EMD: variants seen among roughly 807,000 people sequenced by gnomAD.
The protein encoded by EMD is LEM domain containing 5.
In EMD, 2 loss-of-function variants were observed where a neutral mutation model predicts 15.2. The ratio of observed to expected loss-of-function variants is 0.13; its 90% CI spans 0.05 to 0.41. The LOEUF (loss-of-function observed/expected upper bound fraction) is 0.41. Among genes scored for constraint, EMD ranks in the 10% least tolerant of loss-of-function variants. EMD has a pLI of 0.99. For synonymous variants in EMD, 122 were observed against 86.2 expected (o/e 1.42, Z -2.30); for missense variants, 224 against 213.4 (o/e 1.05, Z -0.31).
intron 4 of EMD, 131 bp from the exon 5 acceptor site, chrX:154,380,622 C>T (rs1418386636): frequency 8.3e-6 from 8 of 961,956 alleles, no homozygotes; most frequent in African/African-American, 1.9e-5. Context: ...CAGAGCCATT[C>T]AGGAGGGTGT....
rs1557182298 is a variant in EMD at position 154,379,741 on chromosome X, G to A, written c.134G>A (p.Arg45Lys). 3 of 1,208,813 alleles carry A rather than the reference G, an allele frequency of 2.5e-6. No individual in the cohort carries two copies. Among genetic ancestry groups the A allele is most frequent in the South Asian group, 3.5e-5 (2 of 56,677 alleles). ...AAGATCTTCGAGTACGAGACCCAGA[G>A]GCGGCGGCTCTCGCCCCCCAGCTCG... ...EKKIFEYETQ[R>K]RRLSPPSSSA... The change falls in exon 2 of 6, where the codon AGG becomes AAG. Residue 45 changes from arginine (R) to lysine (K), a missense_variant. Transcript: ENST00000369842.
chrX:154,381,313 T>G lies in EMD; in HGVS notation c.*116T>G. 1 of 961,158 alleles carries G rather than the reference T, an allele frequency of 1.0e-6. No homozygotes were observed. The allele number at this position is 961,158 out of a possible 1,213,427, so 79.2% of individuals were successfully genotyped here. On this transcript the variant is annotated 3_prime_UTR_variant, in exon 6 of 6. Coordinates refer to ENST00000369842, the MANE Select transcript of EMD (RefSeq NM_000117.3). Reference sequence around the variant, plus strand: ...GGCAGGGGCTTTATGTGTTTTTGCTTGGGGGGCGCTGGGCCTAGCCCAGAG... The same window carrying G: ...GGCAGGGGCTTTATGTGTTTTTGCTGGGGGGGCGCTGGGCCTAGCCCAGAG...
At position 154,381,368 on chromosome X, in the gene EMD, C is replaced by T. The variant is rs2067888500; in HGVS notation, c.*171C>T. ...GCTTGCTCCCCCTGCCTTGTCCCACCAGGGAGGCAGCAGACTCAGGCCCTC... is the reference window on the plus strand; with the variant it reads ...GCTTGCTCCCCCTGCCTTGTCCCACTAGGGAGGCAGCAGACTCAGGCCCTC... On this transcript the variant is annotated 3_prime_UTR_variant, in exon 6 of 6. Transcript: ENST00000369842. 1.7e-6 allele frequency: 1 copy of T among 584,978 alleles called. No homozygotes were observed. The highest frequency in any genetic ancestry group is 3.3e-5 in the South Asian group (1 of 30,758). The allele number at this position is 584,978 out of a possible 1,213,427, so 48.2% of individuals were successfully genotyped here.
chrX:154,379,879 C>G lies in EMD; in HGVS notation c.188-63C>G. 3 of 1,181,418 alleles carry G rather than the reference C, an allele frequency of 2.5e-6. No individual in the cohort carries two copies. In the South Asian group the frequency reaches 5.3e-5, roughly 21 times the overall value. On this transcript the variant is annotated intron_variant, in intron 2 of 5. Transcript: ENST00000369842. The stretch of plus-strand genomic sequence containing the variant: ...TGGCAGGGGGGCCGGTCGAGAGCGG[C>G]ACTGGAGAAAGGGGAGGGAAGTCTG...
At chrX:154,379,900 G>C in intron 2 of EMD, 42 bp from the exon 3 acceptor site, 1 of 1,196,838 alleles carries the variant, frequency 8.4e-7, no homozygotes, top group Non-Finnish European at 1.1e-6. Context: ...GGGGAGGGAA[G>C]TCTGGGGGGG....
At chrX:154,380,590 C>A (rs893709413) in intron 4 of EMD, 163 bp from the exon 5 acceptor site, 107 of 855,334 alleles carry the variant, frequency 1.3e-4, no homozygotes, top group Non-Finnish European at 1.6e-4. Context: ...GGCAAGGCCC[C>A]ATGGATAAAG....
intron 2 of EMD, 70 bp downstream of exon 2, chrX:154,379,864 G>C: frequency 8.5e-7 from 1 of 1,177,961 alleles, no homozygotes; most frequent in Admixed American, 2.2e-5. Flanking sequence ...TGGCAGGGGG[G>C]CCGGTCGAGA....
rs2067879183 is a variant in EMD, at chrX:154,380,224, C to T, written c.266-10C>T. The stretch of plus-strand genomic sequence containing the variant: ...ATGCCCCCTCTGCTACCGCTGCCCC[C>T]CTTCCCAAGGCTACAATGACGACTA... On this transcript the variant is annotated splice_polypyrimidine_tract_variant and intron_variant, in intron 3 of 5. Coordinates refer to ENST00000369842, the MANE Select transcript of EMD (RefSeq NM_000117.3). 2.5e-6 allele frequency: 3 copies of T among 1,211,349 alleles called. No homozygotes were observed. Among genetic ancestry groups the T allele is most frequent in the African/African-American group, 3.5e-5 (2 of 57,932 alleles).
intron 1 of EMD, 23 bp downstream of exon 1, chrX:154,379,589 C>G (rs2067873918): frequency 2.6e-6 from 3 of 1,172,915 alleles, no homozygotes; most frequent in Non-Finnish European, 3.4e-6. Flanking sequence ...GGGCGGGACC[C>G]CTTCCGGGCC....
intron 3 of EMD, 93 bp downstream of exon 3, chrX:154,380,112 C>A: frequency 8.4e-7 from 1 of 1,194,586 alleles, no homozygotes; most frequent in African/African-American, 1.7e-5. Flanking sequence ...CAGTCCCAAC[C>A]ACTCCAGCAG....
Position 154,381,452 on chromosome X carries a change from G to A in EMD, c.*255G>A, listed in dbSNP as rs2067888894. Reference sequence around the variant, plus strand: ...TCCTCCTTTTGTCATCTTGTTGGGGGGAGGGGATTAACCAAAGGCCACCCT... The same window carrying A: ...TCCTCCTTTTGTCATCTTGTTGGGGAGAGGGGATTAACCAAAGGCCACCCT... On this transcript the variant is annotated 3_prime_UTR_variant, in exon 6 of 6. Coordinates refer to ENST00000369842, the MANE Select transcript of EMD (RefSeq NM_000117.3). The A allele has an allele frequency of 2.8e-5, 11 of 388,695 alleles. No homozygotes were observed. In the South Asian group the frequency reaches 5.3e-4, roughly 19 times the overall value. 32.0% of individuals were successfully genotyped at this position (388,695 alleles called of 1,213,427 possible).
chrX:154,380,776 T>G lies in EMD; in HGVS notation c.423T>G (p.Ser141=), dbSNP rs1209782193. Residue 141 remains serine (S), a synonymous_variant, in exon 5 of 6, where the codon TCT becomes TCG. Transcript: ENST00000369842. Reference sequence around the variant, plus strand: ...AGGTGCATGATGACGATCTTTTGTCTTCTTCTGAAGAGGAGTGCAAGGATA... The same window carrying G: ...AGGTGCATGATGACGATCTTTTGTCGTCTTCTGAAGAGGAGTGCAAGGATA... ...HHQVHDDDLL[S]SSEEECKDRE... The G allele has an allele frequency of 5.8e-6, 7 of 1,210,556 alleles. No homozygotes were observed. In the East Asian group the frequency reaches 8.9e-5, roughly 15 times the overall value.
At chrX:154,380,556 G>A (rs1439092649) in intron 4 of EMD, 189 bp downstream of exon 4, 3 of 847,433 alleles carry the variant, frequency 3.5e-6, no homozygotes, top group Non-Finnish European at 5.0e-6. Context: ...GGGCAAAAGG[G>A]GATGCTGGGG....
Position 154,380,976 on chromosome X carries a change from T to C in EMD, c.544T>C (p.Tyr182His). ...CAGGAGCTCCCTGGACCTGTCCTAT[T>C]ATCCTACTTCCTCCTCCACCTCTTT... ...ASRSSLDLSYYPTSSSTSFMS... is the reference protein window; with the variant it reads ...ASRSSLDLSYHPTSSSTSFMS... The change falls in exon 6 of 6, where the codon TAT (tyrosine) becomes CAT (histidine). Residue 182 changes from tyrosine (Y) to histidine (H), a missense_variant. Tyr to His is a moderately conservative substitution (Grantham distance 83). Coordinates refer to ENST00000369842, the MANE Select transcript of EMD (RefSeq NM_000117.3). 8.3e-7 allele frequency: 1 copy of C among 1,211,450 alleles called. No homozygotes were observed. Among genetic ancestry groups the C allele is most frequent in the African/African-American group, 1.7e-5 (1 of 57,699 alleles).
At chrX:154,380,132 G>A (rs2067878323) in intron 3 of EMD, 102 bp from the exon 4 acceptor site, 6 of 1,199,647 alleles carry the variant, frequency 5.0e-6, no homozygotes, top group Middle Eastern at 2.3e-4. Flanking sequence ...GCCTTAGGAG[G>A]GAGAAACTGT....
chrX:154,380,717 G>A, intron 4 of EMD, 36 bp from the exon 5 acceptor site: 2 of 1,196,167 alleles, frequency 1.7e-6, no homozygotes, highest in Non-Finnish European at 2.2e-6. Context: ...TGGTGGCCCT[G>A]CCAGCCAGTC....
At chrX:154,380,116 C>T in intron 3 of EMD, 97 bp downstream of exon 3, 2 of 1,196,916 alleles carry the variant, frequency 1.7e-6, no homozygotes, top group Non-Finnish European at 2.3e-6. Context: ...CCCAACCACT[C>T]CAGCAGCCTT....
chrX:154,380,578 G>A, intron 4 of EMD, 175 bp from the exon 5 acceptor site: 1 of 835,703 alleles, frequency 1.2e-6, no homozygotes, highest in Admixed American at 2.7e-5. Flanking sequence ...ATGAGCACAA[G>A]TGGCAAGGCC....
Position 154,379,444 on chromosome X carries a change from C to T in EMD, c.-41C>T, listed in dbSNP as rs781955842. On this transcript the variant is annotated 5_prime_UTR_variant, in exon 1 of 6. Transcript: ENST00000369842. ...CCGTTGCTCGGCCGGTTTTGGTAGG[C>T]CCGGGCCGCCGCCAGGCCTCCGCCT... is the stretch of plus-strand genomic sequence containing the variant. 1.6e-5 allele frequency: 18 copies of T among 1,157,460 alleles called. 1 individual carries two copies. The South Asian group carries it at 1.7e-4, about 11-fold the overall frequency.
Sources: gnomAD v4.1 joint callset for allele counts on GRCh38, gnomAD v4.1.1 for gene constraint, MANE v1.5 for transcripts, NCBI Gene and HGNC (gene_info 2026-07-23, HGNC 2026-07-21) for gene names.